Variants in ORC4 observed in about 807,000 individuals in gnomAD.
ORC4 encodes origin recognition complex, subunit 4 homolog.
ORC4 carries 55 observed loss-of-function variants against 63.9 expected under a neutral mutation model. That is an observed-to-expected ratio of 0.86 (90% CI 0.69 to 1.08). The LOEUF (loss-of-function observed/expected upper bound fraction) is 1.08, where lower values mean the gene tolerates loss of function less well. Ranked by LOEUF, ORC4 falls within the 50% of genes least tolerant of loss-of-function variation. The probability of loss-of-function intolerance (pLI) is 0.00; values close to 1 mark genes in which losing one functional copy is unlikely to be tolerated. For synonymous variants in ORC4, 150 were observed against 168.5 expected (o/e 0.89, Z 0.85); for missense variants, 511 against 504.4 (o/e 1.01, Z -0.13).
chr2:147,986,504 G>A (rs79995232), intron 1 of ORC4, among the ~76,000 whole-genome samples: 5,001 of 152,134 alleles, frequency 0.033, 211 homozygotes, highest in African/African-American at 0.097. Flanking sequence ...CTGGGACTCA[G>A]CCTGAAAAAC....
chr2:147,981,902 C>A (rs1690913106), intron 1 of ORC4: 1 of 152,164 alleles, frequency 6.6e-6, no homozygotes, highest in African/African-American at 2.4e-5. Context: ...TTATTAATTT[C>A]ATATAGTGAC....
intron 1 of ORC4, among the ~76,000 whole-genome samples, chr2:147,991,129 C>T (rs1323156788): frequency 6.6e-6 from 1 of 150,804 alleles, no homozygotes; most frequent in Non-Finnish European, 1.5e-5. Context: ...CTCACTGCAA[C>T]CTCCACCTCC....
chr2:147,934,417 A>T lies in ORC4; in HGVS notation c.*1093T>A, dbSNP rs1199787285. 1 of 152,090 alleles carries T rather than the reference A, an allele frequency of 6.6e-6. No individual in the cohort carries two copies. The highest frequency in any genetic ancestry group is 2.1e-4 in the South Asian group (1 of 4,826). The allele number at this position is 152,090 out of a possible 1,614,324, so 9.4% of individuals were successfully genotyped here. A position where few individuals can be genotyped will look rare whatever the true frequency, so the allele number is the denominator to read the frequency against. ...GGACATTTCCACATTCCTCATAGGG[A>T]TTTACTTTTTAATACAAACAGGTTC... On this transcript the variant is annotated 3_prime_UTR_variant, in exon 14 of 14. Transcript: ENST00000392857.
chr2:148,017,506 T>C (rs923533938), intron 1 of ORC4, among the ~76,000 whole-genome samples: 1 of 152,202 alleles, frequency 6.6e-6, no homozygotes, highest in African/African-American at 2.4e-5. Flanking sequence ...ACTTTGCCTC[T>C]ACTAGAAATA....
chr2:147,935,740 G>A (rs750427839), intron 13 of ORC4, 42 bp from the exon 14 acceptor site: 91 of 1,519,694 alleles, frequency 6.0e-5, no homozygotes, highest in Non-Finnish European at 7.9e-5. Flanking sequence ...TAGGAGAGGA[G>A]AGTGACAACT....
chr2:148,003,190 G>A (rs1391778642), intron 1 of ORC4, among the ~76,000 whole-genome samples: 2 of 152,148 alleles, frequency 1.3e-5, no homozygotes, highest in African/African-American at 2.4e-5. Context: ...GGTACAAAGC[G>A]GAGCTGGTAC....
At chr2:147,985,124 T>C (rs940399723) in intron 1 of ORC4, among the ~76,000 whole-genome samples, 6 of 152,242 alleles carry the variant, frequency 3.9e-5, no homozygotes, top group African/African-American at 1.4e-4. Flanking sequence ...ACACTGATTC[T>C]GCATAATGTA....
chr2:147,983,605 A>G (rs952563860), intron 1 of ORC4, among the ~76,000 whole-genome samples: 5 of 151,638 alleles, frequency 3.3e-5, no homozygotes, highest in African/African-American at 9.7e-5. Context: ...CTATGGAAAA[A>G]CCTCCACAGA....
intron 1 of ORC4, among the ~76,000 whole-genome samples, chr2:147,987,885 C>G (rs1283637082): frequency 1.3e-5 from 2 of 151,828 alleles, no homozygotes; most frequent in African/African-American, 4.8e-5. Context: ...AACCCCATCT[C>G]TACTAAAAAT....
rs17218959 is a variant in ORC4 at position 147,975,784 on chromosome 2, T to C, written c.57+118A>G. The C allele has an allele frequency of 0.018, 13,455 of 740,546 alleles. 333 individuals carry two copies. The highest frequency in any genetic ancestry group is 0.062 in the Admixed American group (3,349 of 54,112). The allele number at this position is 740,546 out of a possible 1,614,324, so 45.9% of individuals were successfully genotyped here. A position where few individuals can be genotyped will look rare whatever the true frequency, so the allele number is the denominator to read the frequency against. ...GTCTCGTACTGATATCTCCCTAAGG[T>C]TAGAAAGAGTGATTCTTCCTAAATG... On this transcript the variant is annotated intron_variant, in intron 2 of 13. Transcript: ENST00000392857.
chr2:148,009,426 T>C (rs1286474619), intron 1 of ORC4, among the ~76,000 whole-genome samples: 1 of 152,102 alleles, frequency 6.6e-6, no homozygotes, highest in African/African-American at 2.4e-5. Flanking sequence ...CCAAGTAGCT[T>C]TGTATCTATT....
chr2:147,955,952 T>C (rs1199112391), intron 6 of ORC4, among the ~76,000 whole-genome samples: 2 of 152,056 alleles, frequency 1.3e-5, no homozygotes, highest in Admixed American at 6.6e-5. Context: ...GTATATCATA[T>C]CATGTTTGGC....
chr2:147,988,169 G>T (rs1691342508), intron 1 of ORC4, among the ~76,000 whole-genome samples: 1 of 151,724 alleles, frequency 6.6e-6, no homozygotes, highest in African/African-American at 2.4e-5. Context: ...AATTTTACTT[G>T]GTCTCTGTAT....
intron 4 of ORC4, among the ~76,000 whole-genome samples, chr2:147,965,979 G>A (rs1010037332): frequency 2.0e-5 from 3 of 152,144 alleles, no homozygotes; most frequent in African/African-American, 7.2e-5. Flanking sequence ...GCCAAGGTGG[G>A]AGGATCCCTT....
intron 4 of ORC4, among the ~76,000 whole-genome samples, chr2:147,970,389 C>G (rs185286820): frequency 6.6e-6 from 1 of 152,106 alleles, no homozygotes; most frequent in Non-Finnish European, 1.5e-5. Context: ...CAACACAATA[C>G]TGCAGAAGAA....
intron 1 of ORC4, among the ~76,000 whole-genome samples, chr2:147,988,463 T>A (rs774937989): frequency 1.3e-5 from 2 of 151,714 alleles, no homozygotes; most frequent in African/African-American, 2.4e-5. Flanking sequence ...GGGTTCAAGC[T>A]ATTCTCCTGC....
Position 147,965,524 on chromosome 2 carries a change from T to C in ORC4, c.226-6658A>G, listed in dbSNP as rs561046173. Among the ~76,000 whole-genome samples the C allele has an allele frequency of 4.6e-5, 7 of 152,214 alleles. No homozygotes were observed. The South Asian group carries it at 1.5e-3, about 32-fold the overall frequency. On this transcript the variant is annotated intron_variant, in intron 4 of 13. Coordinates refer to ENST00000392857, the MANE Select transcript of ORC4 (RefSeq NM_181741.4). ...AAAGGATCAATTCAACAACAGAATATAACAGTTGTACATATAAATGTACCC... is the reference window on the plus strand; with the variant it reads ...AAAGGATCAATTCAACAACAGAATACAACAGTTGTACATATAAATGTACCC...
At chr2:147,956,154 A>C (rs533711666) in intron 6 of ORC4, among the ~76,000 whole-genome samples, 3 of 152,158 alleles carry the variant, frequency 2.0e-5, no homozygotes, top group Admixed American at 6.6e-5. Context: ...GCCAACTTTA[A>C]ATTTGAGGAG....
At chr2:148,004,790 C>G (rs573566190) in intron 1 of ORC4, among the ~76,000 whole-genome samples, 5 of 152,050 alleles carry the variant, frequency 3.3e-5, no homozygotes, top group African/African-American at 7.2e-5. Context: ...ATGTGGCCAA[C>G]AAACATGTGA....
Sources: gnomAD v4.1 joint callset for allele counts (sites outside exome capture counted in the v4.1 genomes callset) on GRCh38, gnomAD v4.1.1 for gene constraint, MANE v1.5 for transcripts, NCBI Gene and HGNC (gene_info 2026-07-23, HGNC 2026-07-21) for gene names.